PLCL2: variants seen among roughly 807,000 people sequenced by gnomAD.
PLCL2 encodes the protein inactive phospholipase C-like protein 2.
A neutral mutation model predicts 79.6 loss-of-function variants in PLCL2; 4 were observed. The ratio of observed to expected loss-of-function variants is 0.05; its 90% CI spans 0.02 to 0.11. PLCL2 has a LOEUF of 0.11. Ranked by LOEUF, PLCL2 falls within the 10% of genes least tolerant of loss-of-function variation. The probability of loss-of-function intolerance (pLI) is 1.00; values close to 1 mark genes in which losing one functional copy is unlikely to be tolerated. For synonymous variants in PLCL2, 484 were observed against 457.7 expected (o/e 1.06, Z -0.73); for missense variants, 895 against 1,291.0 (o/e 0.69, Z 4.70).
chr3:16,949,296 A>G (rs1005015555), intron 1 of PLCL2, among the ~76,000 whole-genome samples: 1 of 151,720 alleles, frequency 6.6e-6, no homozygotes, highest in East Asian at 1.9e-4. Context: ...TCCCTCTGGC[A>G]GTTTCCCTAC....
intron 4 of PLCL2, among the ~76,000 whole-genome samples, chr3:17,048,478 A>G (rs1013266259): frequency 1.3e-5 from 2 of 152,244 alleles, no homozygotes; most frequent in Non-Finnish European, 2.9e-5. Flanking sequence ...ATTTACTGCC[A>G]TAAAATATGC....
chr3:16,965,715 TCTC>T (rs1339888309), intron 1 of PLCL2, among the ~76,000 whole-genome samples: 1 of 152,112 alleles, frequency 6.6e-6, no homozygotes, highest in Non-Finnish European at 1.5e-5. Flanking sequence ...GGTTTGTAGT[TCTC>T]CTTGAGGAGG....
At chr3:16,896,731 C>T (rs761608819) in intron 1 of PLCL2, among the ~76,000 whole-genome samples, 11 of 151,942 alleles carry the variant, frequency 7.2e-5, no homozygotes, top group South Asian at 2.1e-4. Context: ...CTCAGGTGGT[C>T]GGTCAACAGA....
intron 1 of PLCL2, among the ~76,000 whole-genome samples, chr3:16,905,734 A>G (rs1696734960): frequency 6.6e-6 from 1 of 152,246 alleles, no homozygotes; most frequent in Non-Finnish European, 1.5e-5. Flanking sequence ...ATTCAGAGCA[A>G]GCTTCTGCTG....
chr3:17,023,254 T>C (rs2064476032), intron 3 of PLCL2, among the ~76,000 whole-genome samples: 2 of 152,198 alleles, frequency 1.3e-5, no homozygotes, highest in African/African-American at 4.8e-5. Context: ...AGAGCTGCAA[T>C]TCCCTTGGCT....
intron 1 of PLCL2, 59 bp downstream of exon 1, chr3:16,885,425 C>G (rs939597867): frequency 3.7e-6 from 2 of 546,626 alleles, no homozygotes; most frequent in Non-Finnish European, 6.5e-6. Context: ...TCTATTTTCT[C>G]CCTGGGGGAG....
intron 3 of PLCL2, among the ~76,000 whole-genome samples, chr3:17,030,847 A>G (rs773055627): frequency 1.1e-4 from 17 of 152,224 alleles, no homozygotes; most frequent in Non-Finnish European, 2.4e-4. Context: ...TTACAGTAAG[A>G]CTATGATTAA....
At chr3:17,066,511 A>T (rs1336793271) in intron 4 of PLCL2, among the ~76,000 whole-genome samples, 1 of 152,278 alleles carries the variant, frequency 6.6e-6, no homozygotes. Context: ...AAAGGGAATT[A>T]GAAGTTGGAA....
chr3:17,007,402 A>T (rs186494800), intron 1 of PLCL2, among the ~76,000 whole-genome samples: 1 of 152,360 alleles, frequency 6.6e-6, no homozygotes, highest in Admixed American at 6.5e-5. Flanking sequence ...ACTCAAATTG[A>T]TGTAATACAA....
chr3:16,931,275 C>T (rs1033881344), intron 1 of PLCL2, among the ~76,000 whole-genome samples: 3 of 151,932 alleles, frequency 2.0e-5, no homozygotes, highest in Non-Finnish European at 1.5e-5. Flanking sequence ...TACTTAGATC[C>T]GTGTCTGGCA....
chr3:16,914,693 G>A (rs1269231028), intron 1 of PLCL2, among the ~76,000 whole-genome samples: 2 of 151,284 alleles, frequency 1.3e-5, no homozygotes, highest in Non-Finnish European at 3.0e-5. Flanking sequence ...GGGTATGTGT[G>A]ATTTAAAGAT....
intron 3 of PLCL2, among the ~76,000 whole-genome samples, chr3:17,031,703 C>G (rs541225755): frequency 6.6e-6 from 1 of 152,168 alleles, no homozygotes; most frequent in South Asian, 2.1e-4. Context: ...CCAAGTTCTC[C>G]CCTAACAAGA....
At chr3:17,059,200 T>C (rs1390792715) in intron 4 of PLCL2, among the ~76,000 whole-genome samples, 1 of 151,910 alleles carries the variant, frequency 6.6e-6, no homozygotes, top group East Asian at 1.9e-4. Context: ...AATGGAACAT[T>C]ATGCCACTGT....
intron 4 of PLCL2, among the ~76,000 whole-genome samples, chr3:17,055,843 G>GCTCAGA (rs1267729353): frequency 5.3e-5 from 8 of 152,274 alleles, no homozygotes; most frequent in African/African-American, 1.7e-4. Context: ...GTGAGTGACT[G>GCTCAGA]CTCAGACTCA....
chr3:16,962,104 A>G (rs977586806), intron 1 of PLCL2, among the ~76,000 whole-genome samples: 7 of 152,374 alleles, frequency 4.6e-5, no homozygotes, highest in Non-Finnish European at 7.3e-5. Flanking sequence ...AGGTCAGAAT[A>G]GCACCAACTA....
Position 17,035,432 on chromosome 3 carries a change from T to C in PLCL2, c.3019-7442T>C, listed in dbSNP as rs545647309. Among the ~76,000 whole-genome samples the C allele has an allele frequency of 3.3e-5, 5 of 152,196 alleles. No homozygotes were observed. In the South Asian group the frequency reaches 1.0e-3, roughly 32 times the overall value. On this transcript the variant is annotated intron_variant, in intron 3 of 5. Coordinates refer to ENST00000615277, the MANE Select transcript of PLCL2 (RefSeq NM_001144382.2). The stretch of plus-strand genomic sequence containing the variant: ...TTATCCTGACCAGTTTTCTCTCTTA[T>C]CTTGGCTCTTCCTTCTGTGCCCACA...
chr3:16,964,339 A>C (rs2063784739), intron 1 of PLCL2, among the ~76,000 whole-genome samples: 1 of 152,094 alleles, frequency 6.6e-6, no homozygotes, highest in Non-Finnish European at 1.5e-5. Flanking sequence ...GTCCCTACAA[A>C]GTACATGAAC....
At chr3:16,908,532 C>G (rs1310468625) in intron 1 of PLCL2, among the ~76,000 whole-genome samples, 1 of 152,170 alleles carries the variant, frequency 6.6e-6, no homozygotes. Flanking sequence ...CCTGGATTAG[C>G]TGAGAGCTAT....
chr3:16,989,130 A>G (rs1365442958), intron 1 of PLCL2, among the ~76,000 whole-genome samples: 1 of 152,078 alleles, frequency 6.6e-6, no homozygotes, highest in Non-Finnish European at 1.5e-5. Context: ...GTTCATTTGT[A>G]ATTTTTAAAG....
Sources: allele counts gnomAD v4.1 joint callset (sites outside exome capture counted in the v4.1 genomes callset), GRCh38; gene constraint gnomAD v4.1.1; transcripts MANE v1.5; gene names NCBI Gene and HGNC (gene_info 2026-07-23, HGNC 2026-07-21).